The following CHIC1 variants were observed in gnomAD, a reference collection of about 807,000 sequenced individuals.
CHIC1 encodes cysteine-rich hydrophobic domain-containing protein 1.
CHIC1 carries 7 observed loss-of-function variants against 18.5 expected under a neutral mutation model. That is an observed-to-expected ratio of 0.38 (90% CI 0.22 to 0.71). The LOEUF (loss-of-function observed/expected upper bound fraction) is 0.71. Ranked by LOEUF, CHIC1 falls within the 30% of genes least tolerant of loss-of-function variation. The pLI is 0.49. For missense variants in CHIC1, 159 were observed against 176.9 expected, an observed-to-expected ratio of 0.90 and a Z score of 0.57; for synonymous variants, 77 against 73.5, an observed-to-expected ratio of 1.05 and a Z score of -0.25.
intron 1 of CHIC1, among the ~76,000 whole-genome samples, chrX:73,573,631 T>G (rs1053737723): frequency 1.8e-5 from 2 of 111,269 alleles, no homozygotes; most frequent in African/African-American, 6.5e-5. Flanking sequence ...TGTAGACATC[T>G]TTCACCTCCT....
At chrX:73,618,209 G>T (rs959166959) in intron 3 of CHIC1, among the ~76,000 whole-genome samples, 1 of 111,378 alleles carries the variant, frequency 9.0e-6, no homozygotes, top group African/African-American at 3.3e-5. Context: ...ACTCTGCAAG[G>T]GTCCTTAGTT....
intron 4 of CHIC1, 23 bp from the exon 5 acceptor site, chrX:73,679,630 CT>C: frequency 9.7e-7 from 1 of 1,032,366 alleles, no homozygotes; most frequent in Non-Finnish European, 1.3e-6. Context: ...TATAAAAATT[CT>C]TAACAAGACT....
chrX:73,678,788 G>T (rs1481515769), intron 3 of CHIC1, among the ~76,000 whole-genome samples: 1 of 111,461 alleles, frequency 9.0e-6, no homozygotes, highest in African/African-American at 3.3e-5. Context: ...TTTTTAACAT[G>T]TTCTTTTCAG....
intron 3 of CHIC1, among the ~76,000 whole-genome samples, chrX:73,608,228 C>T (rs2057691900): frequency 9.2e-6 from 1 of 109,055 alleles, no homozygotes; most frequent in African/African-American, 3.6e-5. Flanking sequence ...GACTTTACTT[C>T]TAGGCTCGGT....
At chrX:73,587,407 G>A (rs1228532685) in intron 3 of CHIC1, among the ~76,000 whole-genome samples, 2 of 111,476 alleles carry the variant, frequency 1.8e-5, no homozygotes, top group South Asian at 3.7e-4. Context: ...TGAACCAACT[G>A]TGATATCATA....
intron 3 of CHIC1, among the ~76,000 whole-genome samples, chrX:73,626,320 T>C (rs1416722289): frequency 4.5e-5 from 5 of 111,122 alleles, no homozygotes; most frequent in Non-Finnish European, 9.4e-5. Flanking sequence ...AACTTTCTTG[T>C]ACTTGGATAT....
intron 3 of CHIC1, among the ~76,000 whole-genome samples, chrX:73,625,970 A>G (rs965027296): frequency 5.5e-5 from 6 of 110,031 alleles, no homozygotes; most frequent in African/African-American, 1.3e-4. Flanking sequence ...GCTGCAGTCT[A>G]TTTCCTTTGG....
At chrX:73,662,148 T>C (rs1415591873) in intron 3 of CHIC1, among the ~76,000 whole-genome samples, 1 of 110,835 alleles carries the variant, frequency 9.0e-6, no homozygotes. Context: ...ATGCTCTATA[T>C]GGCCTGGTAA....
In CHIC1 at chrX:73,675,449, C is replaced by T. The variant is rs1381176003; in HGVS notation, c.508-3877C>T. Among the ~76,000 whole-genome samples the T allele has an allele frequency of 2.7e-5, 3 of 111,957 alleles. No individual in the cohort carries two copies. In the Admixed American group the frequency reaches 2.8e-4, roughly 11 times the overall value. On this transcript the variant is annotated intron_variant, in intron 3 of 5. Transcript: ENST00000373502. ...ATGCATATATATTTAGGATAGTTAG[C>T]TCTTCTTGTTGAATTGATCCCTTTC...
At chrX:73,667,432 T>G (rs1477769045) in intron 3 of CHIC1, among the ~76,000 whole-genome samples, 1 of 111,951 alleles carries the variant, frequency 8.9e-6, no homozygotes. Context: ...TTTATGTGAT[T>G]GCTTCATTGT....
rs750144204 is a variant in CHIC1 at position 73,676,807 on chromosome X, TC to T, written c.508-2518del. Among the ~76,000 whole-genome samples the T allele has an allele frequency of 6.1e-3, 670 of 109,455 alleles. 5 individuals are homozygous for T. The highest frequency in any genetic ancestry group is 0.022 in the African/African-American group (637 of 28,481). ...CGTTCCTTTGGAGAAGGAGAGGTGC[TC>T]TGATTTTTACAGTTTCCAGTTCTTC... On this transcript the variant is annotated intron_variant, in intron 3 of 5. Coordinates refer to ENST00000373502, the MANE Select transcript of CHIC1 (RefSeq NM_001039840.4).
chrX:73,603,202 T>C (rs1402524235), intron 3 of CHIC1, among the ~76,000 whole-genome samples: 1 of 108,383 alleles, frequency 9.2e-6, no homozygotes, highest in African/African-American at 3.6e-5. Flanking sequence ...TTGTAGTTCT[T>C]CTTGAAGAGA....
At chrX:73,621,350 T>G (rs2057759435) in intron 3 of CHIC1, among the ~76,000 whole-genome samples, 1 of 112,228 alleles carries the variant, frequency 8.9e-6, no homozygotes, top group Non-Finnish European at 1.9e-5. Flanking sequence ...GTTTTTCCAT[T>G]TTTTGGTGTC....
chrX:73,613,879 A>G (rs1049230810), intron 3 of CHIC1, among the ~76,000 whole-genome samples: 8 of 102,974 alleles, frequency 7.8e-5, no homozygotes, highest in African/African-American at 2.9e-4. Flanking sequence ...TTATCCATCC[A>G]TCCATCTGTT....
intron 3 of CHIC1, among the ~76,000 whole-genome samples, chrX:73,647,190 A>G (rs2057893572): frequency 8.9e-6 from 1 of 112,048 alleles, no homozygotes; most frequent in Admixed American, 9.5e-5. Flanking sequence ...GTATTGGAAG[A>G]TCCCACTTAT....
chrX:73,573,077 G>A (rs944901863), intron 1 of CHIC1, among the ~76,000 whole-genome samples: 26 of 111,409 alleles, frequency 2.3e-4, no homozygotes, highest in African/African-American at 7.5e-4. Context: ...ATAATTTGAA[G>A]TCTTACATTT....
intron 3 of CHIC1, among the ~76,000 whole-genome samples, chrX:73,650,214 T>C (rs2057909040): frequency 8.9e-6 from 1 of 111,916 alleles, no homozygotes; most frequent in African/African-American, 3.3e-5. Context: ...TAGCACTAAA[T>C]GCTCACATCA....
intron 2 of CHIC1, among the ~76,000 whole-genome samples, chrX:73,577,708 A>AT (rs1006174113): frequency 9.2e-6 from 1 of 108,564 alleles, no homozygotes; most frequent in Non-Finnish European, 1.9e-5. Flanking sequence ...TCACTTTTGC[A>AT]TTTTTTTTCT....
chrX:73,617,758 A>G (rs1056346242), intron 3 of CHIC1, among the ~76,000 whole-genome samples: 8 of 111,755 alleles, frequency 7.2e-5, no homozygotes, highest in Non-Finnish European at 1.1e-4. Context: ...ATCTCTCACC[A>G]CATACCTCCC....
Sources: gnomAD v4.1 joint callset for allele counts (sites outside exome capture counted in the v4.1 genomes callset) on GRCh38, gnomAD v4.1.1 for gene constraint, MANE v1.5 for transcripts, NCBI Gene and HGNC (gene_info 2026-07-23, HGNC 2026-07-21) for gene names.